Variants in DSCAM observed in about 807,000 individuals in gnomAD.
DSCAM encodes DS cell adhesion molecule, also known as cell adhesion molecule DSCAM.
In DSCAM, 47 loss-of-function variants were observed where a neutral mutation model predicts 217.7. The ratio of observed to expected loss-of-function variants is 0.22; its 90% CI spans 0.17 to 0.28. The LOEUF (loss-of-function observed/expected upper bound fraction) is 0.28. Ranked by LOEUF, DSCAM falls within the 10% of genes least tolerant of loss-of-function variation. DSCAM has a pLI of 1.00. For missense variants in DSCAM, 2,080 were observed against 2,618.3 expected (o/e 0.79, Z 4.49); for synonymous variants, 1,056 against 1,015.3 (o/e 1.04, Z -0.76).
chr21:40,709,847 G>A (rs939294571), intron 1 of DSCAM, among the ~76,000 whole-genome samples: 4 of 152,206 alleles, frequency 2.6e-5, no homozygotes, highest in African/African-American at 7.2e-5. Context: ...TCTTTTGGGT[G>A]TATACCCAGT....
intron 20 of DSCAM, 80 bp downstream of exon 20, chr21:40,124,115 G>A (rs1310109059): frequency 1.9e-6 from 3 of 1,580,852 alleles, no homozygotes; most frequent in Admixed American, 1.7e-5. Context: ...GGAAACAAAG[G>A]AACGAAACTG....
chr21:40,196,615 T>TCCTC (rs60038249), intron 11 of DSCAM, among the ~76,000 whole-genome samples: 17,568 of 151,192 alleles, frequency 0.12, 2,833 homozygotes, highest in African/African-American at 0.36. Context: ...ATCCTTCTGT[T>TCCTC]CCTCCCTCCC....
intron 4 of DSCAM, among the ~76,000 whole-genome samples, chr21:40,360,553 G>A (rs1248296411): frequency 1.3e-5 from 2 of 152,098 alleles, no homozygotes; most frequent in Non-Finnish European, 2.9e-5. Flanking sequence ...TTATAAGTGA[G>A]AACATGAGGT....
chr21:40,336,459 T>C (rs1445515506), intron 8 of DSCAM, among the ~76,000 whole-genome samples: 1 of 152,226 alleles, frequency 6.6e-6, no homozygotes, highest in Non-Finnish European at 1.5e-5. Flanking sequence ...ATGTTAGTAG[T>C]TGTGATATTT....
chr21:40,156,790 A>G (rs753059375), intron 16 of DSCAM, among the ~76,000 whole-genome samples: 121 of 152,190 alleles, frequency 8.0e-4, no homozygotes, highest in Non-Finnish European at 1.6e-3. Context: ...TGGGAACTGG[A>G]GCAAAGGTCA....
rs969722896 is a variant in DSCAM at position 40,021,059 on chromosome 21, G to T, written c.5687-7673C>A. On this transcript the variant is annotated intron_variant, in intron 32 of 32. Coordinates refer to ENST00000400454, the MANE Select transcript of DSCAM (RefSeq NM_001389.5). Reference sequence around the variant, plus strand: ...GGGGAGGCTGAGATGAATAAGGCTGGGGGGGTGTGAGGGAGGATGGATGAG... The same window carrying T: ...GGGGAGGCTGAGATGAATAAGGCTGTGGGGGTGTGAGGGAGGATGGATGAG... Among the ~76,000 whole-genome samples the T allele has an allele frequency of 7.8e-4, 119 of 151,676 alleles. 2 individuals carry two copies. The highest frequency in any genetic ancestry group is 1.9e-3 in the Admixed American group (29 of 15,208).
At chr21:40,661,832 A>C (rs1343465641) in intron 3 of DSCAM, among the ~76,000 whole-genome samples, 1 of 152,188 alleles carries the variant, frequency 6.6e-6, no homozygotes, top group Non-Finnish European at 1.5e-5. Context: ...GAGGTGTTTA[A>C]TTTCAGCTTC....
At chr21:40,457,980 T>C (rs2075777177) in intron 3 of DSCAM, among the ~76,000 whole-genome samples, 1 of 152,086 alleles carries the variant, frequency 6.6e-6, no homozygotes, top group South Asian at 2.1e-4. Flanking sequence ...ATGTAAGAGG[T>C]ATGAATATGT....
At chr21:40,429,024 GCTCT>G (rs2075504324) in intron 3 of DSCAM, among the ~76,000 whole-genome samples, 1 of 151,410 alleles carries the variant, frequency 6.6e-6, no homozygotes, top group African/African-American at 2.5e-5. Flanking sequence ...TGTATAGGAG[GCTCT>G]GAGCTTGCTA....
chr21:40,061,945 T>C (rs2089129766), intron 28 of DSCAM, among the ~76,000 whole-genome samples: 1 of 152,226 alleles, frequency 6.6e-6, no homozygotes, highest in Non-Finnish European at 1.5e-5. Flanking sequence ...TCCTAGACTC[T>C]GATTTTCCTT....
chr21:40,572,103 TGTG>T (rs2076812415), intron 3 of DSCAM, among the ~76,000 whole-genome samples: 1 of 151,878 alleles, frequency 6.6e-6, no homozygotes, highest in Non-Finnish European at 1.5e-5. Context: ...TGTGTGTGTG[TGTG>T]TGTGTGTGTG....
rs2088054493 is a variant in DSCAM at position 40,011,411 on chromosome 21, T to C, written c.*1623A>G. 1 of 152,188 alleles carries C rather than the reference T, an allele frequency of 6.6e-6. No homozygotes were observed. The highest frequency in any genetic ancestry group is 2.4e-5 in the African/African-American group (1 of 41,440). The allele number at this position is 152,188 out of a possible 1,614,324, so 9.4% of individuals were successfully genotyped here. On this transcript the variant is annotated 3_prime_UTR_variant, in exon 33 of 33. Transcript: ENST00000400454. ...TCTGAATATGTTCCCAAGATGGTAA[T>C]AACTGGCACCAGTCTATGTTGGTGG...
chr21:40,339,788 G>A (rs1366812310), intron 6 of DSCAM, among the ~76,000 whole-genome samples: 1 of 152,244 alleles, frequency 6.6e-6, no homozygotes, highest in African/African-American at 2.4e-5. Context: ...CCCACAAACA[G>A]TCACTTTATC....
intron 3 of DSCAM, among the ~76,000 whole-genome samples, chr21:40,499,937 C>T (rs746971410): frequency 4.6e-5 from 7 of 152,092 alleles, no homozygotes; most frequent in Non-Finnish European, 1.0e-4. Context: ...CCCACCACCA[C>T]ACCTGGCTAA....
chr21:40,546,365 C>G (rs1479329069), intron 3 of DSCAM, among the ~76,000 whole-genome samples: 4 of 152,226 alleles, frequency 2.6e-5, no homozygotes, highest in Non-Finnish European at 5.9e-5. Context: ...CTCAGGCAGA[C>G]TCTGGCCCAA....
At chr21:40,145,493 G>C (rs2090343903) in intron 16 of DSCAM, among the ~76,000 whole-genome samples, 1 of 152,126 alleles carries the variant, frequency 6.6e-6, no homozygotes, top group Non-Finnish European at 1.5e-5. Flanking sequence ...TGGTCCACCA[G>C]GTCAAAGTAG....
At chr21:40,780,339 G>T in intron 1 of DSCAM, among the ~76,000 whole-genome samples, 1 of 147,832 alleles carries the variant, frequency 6.8e-6, no homozygotes, top group Admixed American at 6.9e-5. Context: ...AGGTGACTTG[G>T]GTTTCAGTAT....
At chr21:40,816,330 G>T (rs1184651756) in intron 1 of DSCAM, among the ~76,000 whole-genome samples, 2 of 152,056 alleles carry the variant, frequency 1.3e-5, no homozygotes, top group South Asian at 4.2e-4. Context: ...AAAAAGAGGG[G>T]GTGACCTTGG....
chr21:40,077,024 G>A (rs552364051), intron 26 of DSCAM, among the ~76,000 whole-genome samples: 17 of 152,298 alleles, frequency 1.1e-4, no homozygotes, highest in Admixed American at 7.8e-4. Flanking sequence ...GCCTCTGGGT[G>A]ATGCTTTGTG....
Sources: allele counts gnomAD v4.1 joint callset (sites outside exome capture counted in the v4.1 genomes callset), GRCh38; gene constraint gnomAD v4.1.1; transcripts MANE v1.5; gene names NCBI Gene and HGNC (gene_info 2026-07-23, HGNC 2026-07-21).